Variants in ADGRA2 observed in about 807,000 individuals in gnomAD.
The protein encoded by ADGRA2 is G-protein coupled receptor 124.
Under a neutral mutation model 98.7 loss-of-function variants are expected in ADGRA2, and 61 were observed. The ratio of observed to expected loss-of-function variants is 0.62; its 90% CI spans 0.50 to 0.76. The LOEUF (loss-of-function observed/expected upper bound fraction) is 0.76, where lower values mean the gene tolerates loss of function less well. Ranked by LOEUF, ADGRA2 falls within the 30% of genes least tolerant of loss-of-function variation. The pLI is 0.00. For missense variants in ADGRA2, 1,712 were observed against 1,860.0 expected, an observed-to-expected ratio of 0.92 and a Z score of 1.46; for synonymous variants, 858 against 831.5, an observed-to-expected ratio of 1.03 and a Z score of -0.55.
intron 13 of ADGRA2, among the ~76,000 whole-genome samples, chr8:37,836,191 C>T (rs530142076): frequency 2.1e-4 from 32 of 152,184 alleles, no homozygotes; most frequent in Admixed American, 7.9e-4. Context: ...ACATCTAGGC[C>T]ATAGTCCCTG....
chr8:37,840,754 CT>C lies in ADGRA2; in HGVS notation c.2658-5del, dbSNP rs1563354476. 52 of 1,549,524 alleles carry C rather than the reference CT, an allele frequency of 3.4e-5. No individual in the cohort carries two copies. Among genetic ancestry groups the C allele is most frequent in the Non-Finnish European group, 4.5e-5 (51 of 1,122,226 alleles). Reference sequence around the variant, plus strand: ...TCTGGGACCCCCAATCCCTCATTCCCTCCAGGTTCTATTTGATCGCTGGAGG... The same window carrying C: ...TCTGGGACCCCCAATCCCTCATTCCCCCAGGTTCTATTTGATCGCTGGAGG... On this transcript the variant is annotated splice_polypyrimidine_tract_variant and splice_region_variant and intron_variant, in intron 17 of 18. Transcript: ENST00000412232.
intron 2 of ADGRA2, among the ~76,000 whole-genome samples, chr8:37,816,505 T>C (rs1804984875): frequency 6.7e-6 from 1 of 149,684 alleles, no homozygotes; most frequent in Non-Finnish European, 1.5e-5. Context: ...GGCACCAGAA[T>C]CTCTTGAACC....
At chr8:37,812,813 G>A (rs964638147) in intron 1 of ADGRA2, among the ~76,000 whole-genome samples, 1 of 151,788 alleles carries the variant, frequency 6.6e-6, no homozygotes, top group Non-Finnish European at 1.5e-5. Context: ...GGGACTATAG[G>A]TACCATGCCA....
Position 37,842,264 on chromosome 8 carries a change from G to A in ADGRA2, c.3926G>A (p.Gly1309Asp). The change falls in exon 19 of 19, where the codon GGC (glycine) becomes GAC (aspartate). Residue 1309 changes from glycine (G) to aspartate (D), a missense_variant. Gly to Asp is a moderately conservative substitution (Grantham distance 94). Transcript: ENST00000412232. ...AASLNGAPKG[G>D]KYDDVTLMGA... Reference sequence around the variant, plus strand: ...AGCCTAAACGGCGCCCCCAAGGGGGGCAAGTACGACGACGTCACCCTGATG... The same window carrying A: ...AGCCTAAACGGCGCCCCCAAGGGGGACAAGTACGACGACGTCACCCTGATG... 1.3e-6 allele frequency: 2 copies of A among 1,568,044 alleles called. No individual in the cohort carries two copies. The highest frequency in any genetic ancestry group is 2.4e-5 in the East Asian group (1 of 42,194).
chr8:37,817,755 G>A (rs1448190886), intron 2 of ADGRA2, among the ~76,000 whole-genome samples: 2 of 152,144 alleles, frequency 1.3e-5, no homozygotes, highest in Admixed American at 6.5e-5. Context: ...GGTGGCTCAC[G>A]CCTGTAATTC....
At chr8:37,811,256 G>A (rs1161006175) in intron 1 of ADGRA2, among the ~76,000 whole-genome samples, 1 of 125,480 alleles carries the variant, frequency 8.0e-6, no homozygotes, top group African/African-American at 3.1e-5. Flanking sequence ...TGCAACCTCC[G>A]CCTCTTGGGT....
Position 37,841,554 on chromosome 8 carries a change from G to T in ADGRA2, c.3216G>T (p.Arg1072Ser). ...GLFVFTHHCARRRDVRASWRA... is the reference protein window; with the variant it reads ...GLFVFTHHCASRRDVRASWRA... ...TCGTCTTCACTCACCACTGTGCCAGGCGGAGGGACGTGAGAGCCTCGTGGC... is the reference window on the plus strand; with the variant it reads ...TCGTCTTCACTCACCACTGTGCCAGTCGGAGGGACGTGAGAGCCTCGTGGC... Residue 1072 changes from arginine (R) to serine (S), a missense_variant, in exon 19 of 19, where the codon AGG (arginine) becomes AGT (serine). Arg to Ser is a moderately radical substitution (Grantham distance 110). Transcript: ENST00000412232. This position sits in a 1 kb window ranked among gnomAD's most constrained non-coding sequence, Gnocchi z 5.0. The T allele has an allele frequency of 6.2e-7, 1 of 1,610,826 alleles. No homozygotes were observed. Among genetic ancestry groups the T allele is most frequent in the Non-Finnish European group, 8.5e-7 (1 of 1,179,252 alleles).
chr8:37,804,323 C>CA (rs559749737), intron 1 of ADGRA2, among the ~76,000 whole-genome samples: 2,537 of 152,290 alleles, frequency 0.017, 44 homozygotes, highest in Non-Finnish European at 0.028. Context: ...TGAAGCTTCT[C>CA]AGACCTCTTG....
At chr8:37,824,507 T>G (rs1288712122) in intron 2 of ADGRA2, among the ~76,000 whole-genome samples, 2 of 151,120 alleles carry the variant, frequency 1.3e-5, no homozygotes, top group East Asian at 3.9e-4. Flanking sequence ...TTTTTTTTTT[T>G]TTTGAGACTG....
In ADGRA2 at chr8:37,843,736, T is replaced by C. The variant is rs1464441359; in HGVS notation, c.*1381T>C. 2 of 152,362 alleles carry C rather than the reference T, an allele frequency of 1.3e-5. No homozygotes were observed. The highest frequency in any genetic ancestry group is 4.8e-5 in the African/African-American group (2 of 41,356). 9.4% of individuals were successfully genotyped at this position (152,362 alleles called of 1,614,324 possible). A position where few individuals can be genotyped will look rare whatever the true frequency, so the allele number is the denominator to read the frequency against. On this transcript the variant is annotated 3_prime_UTR_variant, in exon 19 of 19. Transcript: ENST00000412232. The stretch of plus-strand genomic sequence containing the variant: ...TATTTATGCTTGCTGCACAGACATA[T>C]TAGAAGAAAAAAAAAAGCTTTGTAT...
At chr8:37,824,052 A>G (rs1035002483) in intron 2 of ADGRA2, among the ~76,000 whole-genome samples, 7 of 147,518 alleles carry the variant, frequency 4.7e-5, no homozygotes, top group African/African-American at 1.8e-4. Context: ...TTTTTTCGAG[A>G]TGGAGTTTCA....
At position 37,797,546 on chromosome 8, in the gene ADGRA2, A is replaced by C; in HGVS notation, c.266+12A>C. ...GGCACCGTTACCCTGTGAGTACCCT[A>C]CCAGGCCAGTTCCGTCCGAGCCGGG... On this transcript the variant is annotated intron_variant, in intron 1 of 18. Transcript: ENST00000412232. The surrounding 1 kb of genome is among the most constrained non-coding windows in gnomAD (Gnocchi z 5.3). 4 of 1,350,212 alleles carry C rather than the reference A, an allele frequency of 3.0e-6. No individual in the cohort carries two copies. The highest frequency in any genetic ancestry group is 2.9e-6 in the Non-Finnish European group (3 of 1,044,360). The allele number at this position is 1,350,212 out of a possible 1,614,324, so 83.6% of individuals were successfully genotyped here. A position where few individuals can be genotyped will look rare whatever the true frequency, so the allele number is the denominator to read the frequency against.
intron 1 of ADGRA2, among the ~76,000 whole-genome samples, chr8:37,809,944 C>T (rs1215712657): frequency 6.6e-6 from 1 of 152,126 alleles, no homozygotes; most frequent in Non-Finnish European, 1.5e-5. Context: ...TCCTTGCCCT[C>T]CTCTGGGGTA....
chr8:37,811,723 G>T (rs1337330225), intron 1 of ADGRA2, among the ~76,000 whole-genome samples: 2 of 151,372 alleles, frequency 1.3e-5, no homozygotes, highest in East Asian at 4.0e-4. Context: ...TGATCTGCCC[G>T]CCTCAGCCTC....
chr8:37,811,119 C>CAAAAAAAA (rs1158782949), intron 1 of ADGRA2, among the ~76,000 whole-genome samples: 55 of 68,348 alleles, frequency 8.0e-4, no homozygotes, highest in East Asian at 1.3e-3. Flanking sequence ...GTCTCAAAAA[C>CAAAAAAAA]AAAAAAAAAA....
intron 1 of ADGRA2, among the ~76,000 whole-genome samples, chr8:37,807,531 C>T (rs1804711549): frequency 6.6e-6 from 1 of 152,154 alleles, no homozygotes; most frequent in South Asian, 2.1e-4. Flanking sequence ...GGCAATGCTT[C>T]TTTTTTAGGT....
In ADGRA2 at chr8:37,841,764, CCA is replaced by C. The variant is rs770756994; in HGVS notation, c.3427_3428del (p.Gln1143GlufsTer122). The C allele has an allele frequency of 1.0e-5, 16 of 1,539,256 alleles. No individual in the cohort carries two copies. The South Asian group carries it at 1.9e-4, about 18-fold the overall frequency. On this transcript the variant is annotated frameshift_variant, in exon 19 of 19. Coordinates refer to ENST00000412232, the MANE Select transcript of ADGRA2 (RefSeq NM_032777.10). LOFTEE classifies it low-confidence loss of function (END_TRUNC). This position sits in a 1 kb window ranked among gnomAD's most constrained non-coding sequence, Gnocchi z 5.0. ...PCKLTNLQLA[Q>X]SQVCEAGAAA... The stretch of plus-strand genomic sequence containing the variant: ...GCAAGCTCACCAACCTGCAGCTGGC[CCA>C]GAGTCAGGTGTGCGAGGCGGGGGCG...
At chr8:37,828,457 G>A (rs556590900) in intron 2 of ADGRA2, among the ~76,000 whole-genome samples, 5 of 151,414 alleles carry the variant, frequency 3.3e-5, no homozygotes, top group South Asian at 4.2e-4. Flanking sequence ...GGGAGGCGGA[G>A]GAGGCCTGTC....
chr8:37,837,830 G>T lies in ADGRA2; in HGVS notation c.2150G>T (p.Gly717Val), dbSNP rs985799684. ...GTGGCCGCTTGGTGGAGCCAGGAGG[G>T]GCCCGGGGAGGCTGGGGGCTGGACC... ...EPVAAWWSQE[G>V]PGEAGGWTSE... is the part of the protein sequence containing the mutation. The change falls in exon 14 of 19, where the codon GGG (glycine) becomes GTG (valine). Residue 717 changes from glycine to valine, a missense_variant. Gly to Val is a moderately radical substitution (Grantham distance 109, BLOSUM62 -3). Coordinates refer to ENST00000412232, the MANE Select transcript of ADGRA2 (RefSeq NM_032777.10). 1.3e-6 allele frequency: 2 copies of T among 1,530,724 alleles called. No individual in the cohort carries two copies. Among genetic ancestry groups the T allele is most frequent in the Non-Finnish European group, 1.8e-6 (2 of 1,137,360 alleles). 94.8% of individuals were successfully genotyped at this position (1,530,724 alleles called of 1,614,324 possible).
Sources: gnomAD v4.1 joint callset for allele counts (sites outside exome capture counted in the v4.1 genomes callset) on GRCh38, gnomAD v4.1.1 for gene constraint, Gnocchi (gnomAD v3.1) non-coding constraint, MANE v1.5 for transcripts, NCBI Gene and HGNC (gene_info 2026-07-23, HGNC 2026-07-21) for gene names.